The following ZER1 variants were observed in gnomAD, a reference collection of about 807,000 sequenced individuals.
ZER1 encodes the protein zyg-11 related cell cycle regulator.
ZER1 carries 11 observed loss-of-function variants against 78.8 expected under a neutral mutation model. The observed-to-expected ratio is 0.14, with a 90% confidence interval of 0.09 to 0.23. The LOEUF is 0.23. Among genes scored for constraint, ZER1 ranks in the 10% least tolerant of loss-of-function variants. The pLI is 1.00. For missense variants in ZER1, 588 were observed against 996.9 expected, an observed-to-expected ratio of 0.59 and a Z score of 5.52; for synonymous variants, 400 against 407.0, an observed-to-expected ratio of 0.98 and a Z score of 0.21.
intron 1 of ZER1, among the ~76,000 whole-genome samples, chr9:128,771,117 A>G (rs1864369658): frequency 6.6e-6 from 1 of 152,172 alleles, no homozygotes; most frequent in Admixed American, 6.6e-5. Context: ...CCACCCAGAG[A>G]GCTATAGTGG....
At chr9:128,742,145 T>C (rs561657577) in intron 9 of ZER1, among the ~76,000 whole-genome samples, 55 of 152,216 alleles carry the variant, frequency 3.6e-4, no homozygotes, top group Non-Finnish European at 7.2e-4. Flanking sequence ...GCTCTTGAGC[T>C]CCTTTGTCAT....
At chr9:128,744,975 C>T (rs1265972980) in intron 8 of ZER1, among the ~76,000 whole-genome samples, 2 of 152,090 alleles carry the variant, frequency 1.3e-5, no homozygotes, top group East Asian at 3.9e-4. Flanking sequence ...TACCTGCATC[C>T]TGGTGACCAT....
At chr9:128,733,963 AC>A (rs1429535035) in intron 14 of ZER1, among the ~76,000 whole-genome samples, 37 of 128,902 alleles carry the variant, frequency 2.9e-4, no homozygotes, top group Admixed American at 6.0e-4. Context: ...CCCCGTCTCT[AC>A]TAAAAATACA....
chr9:128,752,966 C>CA (rs1679194634), intron 4 of ZER1, 117 bp from the exon 5 acceptor site: 6 of 1,390,052 alleles, frequency 4.3e-6, no homozygotes, highest in Admixed American at 4.8e-5. Flanking sequence ...ACAACTTCCC[C>CA]AGGGCATTCT....
At chr9:128,764,046 T>C (rs1864130692) in intron 1 of ZER1, among the ~76,000 whole-genome samples, 2 of 151,146 alleles carry the variant, frequency 1.3e-5, no homozygotes, top group African/African-American at 2.4e-5. Flanking sequence ...TAGTTAACTC[T>C]GGTGGAGGGG....
Position 128,752,773 on chromosome 9 carries a change from C to T in ZER1, c.823G>A (p.Val275Met). 2 of 1,614,194 alleles carry T rather than the reference C, an allele frequency of 1.2e-6. No individual in the cohort carries two copies. Among genetic ancestry groups the T allele is most frequent in the Non-Finnish European group, 1.7e-6 (2 of 1,180,032 alleles). The change falls in exon 5 of 16, where the codon GTG (valine) becomes ATG (methionine). Residue 275 changes from valine (V) to methionine (M), a missense_variant. Coordinates refer to ENST00000291900, the MANE Select transcript of ZER1 (RefSeq NM_006336.4). ...GACATTAGGTTCCCCAGCTTCTGCA[C>T]AAAGAGGCTCAGCACCTCCCGAGTC... The part of the protein sequence containing the change: ...KLTREVLSLF[V>M]QKLGNLMSLD...
intron 1 of ZER1, among the ~76,000 whole-genome samples, chr9:128,764,876 G>A (rs1249709888): frequency 1.3e-5 from 2 of 152,122 alleles, no homozygotes; most frequent in Non-Finnish European, 2.9e-5. Context: ...TTTCTTGCAT[G>A]TTCTCTAATA....
chr9:128,741,487 G>T (rs765526340), intron 11 of ZER1, 48 bp downstream of exon 11: 11 of 1,613,336 alleles, frequency 6.8e-6, no homozygotes, highest in African/African-American at 1.3e-5. Context: ...CAGAAGAGGG[G>T]CCATGTGGGC....
Position 128,734,328 on chromosome 9 carries a change from C to G in ZER1, c.2141-800G>C, listed in dbSNP as rs192800553. On this transcript the variant is annotated intron_variant, in intron 14 of 15. Transcript: ENST00000291900. ...TATTTTGTCTCAGCCTCCCTAGTAG[C>G]TGGGACTACAGGCACGTGCCATCAA... Among the ~76,000 whole-genome samples, 1,362 of 148,956 alleles carry G rather than the reference C, an allele frequency of 9.1e-3. 18 individuals carry two copies. Among genetic ancestry groups the G allele is most frequent in the African/African-American group, 0.027 (1,107 of 40,686 alleles).
chr9:128,751,997 C>A lies in ZER1; in HGVS notation c.924-470G>T, dbSNP rs1371628697. Among the ~76,000 whole-genome samples the A allele has an allele frequency of 2.0e-5, 3 of 152,232 alleles. No homozygotes were observed. Among genetic ancestry groups the A allele is most frequent in the African/African-American group, 4.8e-5 (2 of 41,466 alleles). ...TGCCTCTTCCCCCCATGGCACTGTG[C>A]TCTGGTCAGGCTGAGTGTTGGGTAG... is the stretch of plus-strand genomic sequence containing the variant. On this transcript the variant is annotated intron_variant, in intron 5 of 15. Coordinates refer to ENST00000291900, the MANE Select transcript of ZER1 (RefSeq NM_006336.4). The surrounding 1 kb of genome is among the most constrained non-coding windows in gnomAD (Gnocchi z 5.4).
At chr9:128,771,503 G>A (rs1266293890) in intron 1 of ZER1, 78 bp downstream of exon 1, 3 of 152,506 alleles carry the variant, frequency 2.0e-5, no homozygotes, top group Admixed American at 1.3e-4. Flanking sequence ...GGTTGCAGCG[G>A]CGATGCTTAG....
intron 1 of ZER1, among the ~76,000 whole-genome samples, chr9:128,764,300 C>T (rs552377933): frequency 2.0e-5 from 3 of 152,300 alleles, no homozygotes; most frequent in African/African-American, 4.8e-5. Context: ...AGTACACTCT[C>T]GCATTCTCCC....
chr9:128,734,127 CA>C (rs1203049523), intron 14 of ZER1, among the ~76,000 whole-genome samples: 372 of 5,910 alleles, frequency 0.063, 37 homozygotes, highest in Non-Finnish European at 0.092. Context: ...AACTCCGTCT[CA>C]AAAAAAAAAA....
intron 8 of ZER1, among the ~76,000 whole-genome samples, chr9:128,746,834 C>T (rs1863509069): frequency 1.3e-5 from 2 of 151,978 alleles, no homozygotes; most frequent in Admixed American, 6.6e-5. Context: ...CCGGGTTTCA[C>T]CATGTTGGCC....
chr9:128,734,144 A>AAATATATATATAT, intron 14 of ZER1, among the ~76,000 whole-genome samples: 17 of 14,432 alleles, frequency 1.2e-3, no homozygotes, highest in African/African-American at 1.7e-3. Flanking sequence ...AAAAAAAAAA[A>AAATATATATATAT]ATATATATAT....
chr9:128,771,055 C>T (rs1323056330), intron 1 of ZER1, among the ~76,000 whole-genome samples: 2 of 152,162 alleles, frequency 1.3e-5, no homozygotes. Context: ...CAAACACAGG[C>T]AAAGACTGGA....
At chr9:128,731,437 T>TGGGGGGTTTGGGGGGGGGGGGTGGGGG in intron 15 of ZER1, 43 bp from the exon 16 acceptor site, 1 of 451,612 alleles carries the variant, frequency 2.2e-6, no homozygotes, top group Non-Finnish European at 4.3e-6. Flanking sequence ...TGGGCTTGGG[T>TGGGGGGTTTGGGGGGGGGGGGTGGGGG]GGGGGTGAGC....
At chr9:128,742,780 A>C in intron 8 of ZER1, 35 bp from the exon 9 acceptor site, 1 of 1,565,140 alleles carries the variant, frequency 6.4e-7, no homozygotes, top group South Asian at 1.2e-5. Flanking sequence ...GGGCACATTC[A>C]GGGTCAGACT....
chr9:128,755,415 C>A lies in ZER1; in HGVS notation c.151G>T (p.Val51Phe). Reference sequence around the variant, plus strand: ...AGCCCTGGGTCTGCTCACTCATTGACGAGCCGGTCACAGATCTCGCTGGGC... The same window carrying A: ...AGCCCTGGGTCTGCTCACTCATTGAAGAGCCGGTCACAGATCTCGCTGGGC... Reference protein sequence around the residue: ...FLPSEICDRLVNEYVELVNAA... With the variant: ...FLPSEICDRLFNEYVELVNAA... Residue 51 changes from valine to phenylalanine, a missense_variant, in exon 2 of 16, where the codon GTC (valine) becomes TTC (phenylalanine). Transcript: ENST00000291900. This position sits in a 1 kb window ranked among gnomAD's most constrained non-coding sequence, Gnocchi z 5.6. 2 of 1,614,030 alleles carry A rather than the reference C, an allele frequency of 1.2e-6. No homozygotes were observed. Among genetic ancestry groups the A allele is most frequent in the South Asian group, 1.1e-5 (1 of 91,078 alleles).
Sources: gnomAD v4.1 joint callset for allele counts (sites outside exome capture counted in the v4.1 genomes callset) on GRCh38, gnomAD v4.1.1 for gene constraint, Gnocchi (gnomAD v3.1) non-coding constraint, MANE v1.5 for transcripts, NCBI Gene and HGNC (gene_info 2026-07-23, HGNC 2026-07-21) for gene names.